SUCO: variants seen among roughly 807,000 people sequenced by gnomAD.
SUCO encodes SUN domain containing ossification factor, also known as SUN domain-containing ossification factor.
A neutral mutation model predicts 148.1 loss-of-function variants in SUCO; 57 were observed. The observed-to-expected ratio is 0.38, with a 90% CI of 0.31 to 0.48. The LOEUF (loss-of-function observed/expected upper bound fraction) is 0.48, where lower values mean the gene tolerates loss of function less well. SUCO is among the 20% of genes least tolerant of loss of function. The probability of loss-of-function intolerance (pLI) is 0.96; values close to 1 mark genes in which losing one functional copy is unlikely to be tolerated. For missense variants in SUCO, 1,331 were observed against 1,468.2 expected, an observed-to-expected ratio of 0.91 and a Z score of 1.53; for synonymous variants, 470 against 502.7, an observed-to-expected ratio of 0.93 and a Z score of 0.87.
chr1:172,609,406 A>G, intron 23 of SUCO: 2 of 950,292 alleles, frequency 2.1e-6, no homozygotes, highest in Non-Finnish European at 2.5e-6. Flanking sequence ...GCTGCTTACT[A>G]CATTGTAACT....
At chr1:172,561,137 CT>C (rs1486962428) in intron 6 of SUCO, among the ~76,000 whole-genome samples, 2 of 152,238 alleles carry the variant, frequency 1.3e-5, no homozygotes, top group African/African-American at 4.8e-5. Flanking sequence ...ATCTTGGCAG[CT>C]AGAGTTGTAT....
At chr1:172,562,524 G>GTTTC (rs955502060) in intron 6 of SUCO, among the ~76,000 whole-genome samples, 14 of 152,030 alleles carry the variant, frequency 9.2e-5, no homozygotes, top group African/African-American at 3.1e-4. Flanking sequence ...TAGAGATGGG[G>GTTTC]TTTCACCATG....
rs762626131 is a variant in SUCO, at chr1:172,555,898, G to T, written c.318G>T (p.Pro106=). 2 of 1,608,806 alleles carry T rather than the reference G, an allele frequency of 1.2e-6. No individual in the cohort carries two copies. Among genetic ancestry groups the T allele is most frequent in the African/African-American group, 1.3e-5 (1 of 74,750 alleles). Residue 106 remains proline (P), a synonymous_variant, in exon 4 of 24, where the codon CCG becomes CCT. Transcript: ENST00000263688. ...CAGAGTCAAAAAAGTTAAGTCCACC[G>T]GTGGTGGAGACACTCCCTACAGTTG... ...QNTESKKLSP[P]VVETLPTVDL...
chr1:172,548,488 A>G (rs1045461984), intron 1 of SUCO, among the ~76,000 whole-genome samples: 16 of 151,778 alleles, frequency 1.1e-4, no homozygotes, highest in African/African-American at 3.9e-4. Context: ...TGAGTTGATT[A>G]GCTCTTTTGT....
upstream of SUCO, chr1:172,532,687 C>T (rs1469919757): frequency 1.2e-6 from 2 of 1,613,746 alleles, no homozygotes; most frequent in Admixed American, 1.7e-5. Context: ...ATAGACTTCT[C>T]TAACAAAACC....
chr1:172,532,488 G>C, upstream of SUCO: 1 of 1,612,814 alleles, frequency 6.2e-7, no homozygotes, highest in Middle Eastern at 1.6e-4. Context: ...AGGATTCTTG[G>C]CACGCCCCTT....
Position 172,557,682 on chromosome 1 carries a change from A to G in SUCO, c.620A>G (p.His207Arg). ...CATATAGAAAATGTATCATCTTCAC[A>G]TGGTAAAGGAAAGATAACAAAATCA... ...GQHIENVSSSHGKGKITKSEF... is the reference protein window; with the variant it reads ...GQHIENVSSSRGKGKITKSEF... Residue 207 changes from histidine (H) to arginine (R), a missense_variant, in exon 6 of 24, where the codon CAT (histidine) becomes CGT (arginine). By Grantham distance (29) the His-to-Arg change is conservative (BLOSUM62 0). This residue lies in a region of SUCO where 992 missense variants were observed against 1,093.5 expected (regional missense o/e 0.91). Transcript: ENST00000263688. 1 of 1,612,158 alleles carries G rather than the reference A, an allele frequency of 6.2e-7. No individual in the cohort carries two copies. The highest frequency in any genetic ancestry group is 8.5e-7 in the Non-Finnish European group (1 of 1,179,356).
chr1:172,542,903 G>A, intron 1 of SUCO: 17 of 985,408 alleles, frequency 1.7e-5, no homozygotes, highest in Non-Finnish European at 2.0e-5. Flanking sequence ...TGGAGAGCTT[G>A]AAAACTGAGA....
At chr1:172,560,181 G>A (rs1299358637) in intron 6 of SUCO, among the ~76,000 whole-genome samples, 2 of 152,184 alleles carry the variant, frequency 1.3e-5, no homozygotes, top group Non-Finnish European at 2.9e-5. Flanking sequence ...TTTGCTAAGA[G>A]GTTAAACGAG....
intron 19 of SUCO, among the ~76,000 whole-genome samples, chr1:172,598,753 A>G (rs79399170): frequency 0.02 from 3,016 of 152,320 alleles, 43 homozygotes; most frequent in Non-Finnish European, 0.034. Context: ...ACTAACTTTA[A>G]TAGCTTGTCC....
chr1:172,568,605 A>C (rs1260738762), intron 6 of SUCO: 1 of 211,058 alleles, frequency 4.7e-6, no homozygotes, highest in Non-Finnish European at 8.2e-6. Context: ...CTTTTTAAGG[A>C]TATTGTGGAA....
intron 18 of SUCO, chr1:172,590,439 GC>G: frequency 1.2e-6 from 1 of 817,022 alleles, no homozygotes; most frequent in Non-Finnish European, 1.5e-6. Context: ...GCTTTTAAGT[GC>G]CAGAGACAGT....
intron 6 of SUCO, among the ~76,000 whole-genome samples, chr1:172,567,865 T>C (rs1346057350): frequency 1.3e-5 from 2 of 152,206 alleles, no homozygotes; most frequent in Non-Finnish European, 2.9e-5. Context: ...CCATTAGATT[T>C]GTATAATTTA....
intron 6 of SUCO, among the ~76,000 whole-genome samples, chr1:172,560,784 A>C (rs1464756997): frequency 3.3e-5 from 5 of 152,216 alleles, no homozygotes; most frequent in Non-Finnish European, 7.3e-5. Context: ...CCAGAATTAA[A>C]AAACAAAAAA....
chr1:172,600,023 T>G, intron 19 of SUCO, 41 bp from the exon 20 acceptor site: 1 of 1,298,842 alleles, frequency 7.7e-7, no homozygotes, highest in Non-Finnish European at 1.1e-6. Context: ...GTTAATAGTT[T>G]GTAGTTAATA....
chr1:172,601,450 G>A lies in SUCO; in HGVS notation c.3019-614G>A, dbSNP rs902993846. On this transcript the variant is annotated intron_variant, in intron 20 of 23. Transcript: ENST00000263688. ...GGAGGTGGAGGTTGCAATAAGCCAAGGTCACACCACTGCATTCCAGCCTGG... is the reference window on the plus strand; with the variant it reads ...GGAGGTGGAGGTTGCAATAAGCCAAAGTCACACCACTGCATTCCAGCCTGG... Among the ~76,000 whole-genome samples the A allele has an allele frequency of 2.0e-5, 3 of 151,010 alleles. No individual in the cohort carries two copies. The Admixed American group carries it at 2.0e-4, about 10-fold the overall frequency.
At chr1:172,602,642 A>G (rs1657604120) in intron 21 of SUCO, 54 bp from the exon 22 acceptor site, 1 of 1,593,806 alleles carries the variant, frequency 6.3e-7, no homozygotes, top group African/African-American at 1.4e-5. Context: ...CAAAAGAGTA[A>G]ATTATATGTG....
chr1:172,599,123 T>A (rs1412446571), intron 19 of SUCO, among the ~76,000 whole-genome samples: 1 of 152,196 alleles, frequency 6.6e-6, no homozygotes, highest in Non-Finnish European at 1.5e-5. Flanking sequence ...AAAGTTCAAA[T>A]TTTCGACCAT....
intron 6 of SUCO, 84 bp from the exon 7 acceptor site, chr1:172,568,935 G>T: frequency 8.0e-7 from 1 of 1,250,646 alleles, no homozygotes; most frequent in Non-Finnish European, 1.1e-6. Flanking sequence ...ACTTTAATTT[G>T]ACAGAAACAT....
Sources: allele counts gnomAD v4.1 joint callset (sites outside exome capture counted in the v4.1 genomes callset), GRCh38; gene constraint gnomAD v4.1.1; regional missense constraint gnomAD v4.1.1; transcripts MANE v1.5; gene names NCBI Gene and HGNC (gene_info 2026-07-23, HGNC 2026-07-21).